HIF1A: variants seen among roughly 807,000 people sequenced by gnomAD.
HIF1A encodes the protein hypoxia-inducible factor 1-alpha.
HIF1A carries 24 observed loss-of-function variants against 92.7 expected under a neutral mutation model. The observed-to-expected ratio is 0.26, with a 90% CI of 0.19 to 0.36. The LOEUF (loss-of-function observed/expected upper bound fraction) is 0.36. Ranked by LOEUF, HIF1A falls within the 10% of genes least tolerant of loss-of-function variation. The pLI is 1.00. For missense variants in HIF1A, 799 were observed against 998.5 expected, an observed-to-expected ratio of 0.80 and a Z score of 2.69; for synonymous variants, 319 against 338.7, an observed-to-expected ratio of 0.94 and a Z score of 0.64.
At chr14:61,741,983 AT>A (rs2044717599) in intron 12 of HIF1A, among the ~76,000 whole-genome samples, 1 of 152,140 alleles carries the variant, frequency 6.6e-6, no homozygotes. Context: ...CTCTTTTAAA[AT>A]TTTATTATAG....
Position 61,738,617 on chromosome 14 carries a change from C to A in HIF1A, c.1536+244C>A, listed in dbSNP as rs139955992. On this transcript the variant is annotated intron_variant, in intron 10 of 14. Coordinates refer to ENST00000337138, the MANE Select transcript of HIF1A (RefSeq NM_001530.4). ...GCTTAATATAAACCAAAAGGTGAAA[C>A]GTACATTGTTTCTCTATTATTTATA... is the stretch of plus-strand genomic sequence containing the variant. 2.0e-3 allele frequency among the ~76,000 whole-genome samples: 308 copies of A among 152,230 alleles called. 1 individual carries two copies. Among genetic ancestry groups the A allele is most frequent in the African/African-American group, 7.2e-3 (298 of 41,534 alleles).
chr14:61,711,207 CTTTTT>C (rs10615564), intron 1 of HIF1A, among the ~76,000 whole-genome samples: 1 of 86,124 alleles, frequency 1.2e-5, no homozygotes, highest in Admixed American at 1.5e-4. Flanking sequence ...TTAAGTATTC[CTTTTT>C]TTTTTTTTTT....
rs1594886861 is a variant in HIF1A, at chr14:61,741,072, T to C, written c.1977T>C (p.Tyr659=). The C allele has an allele frequency of 4.3e-6, 7 of 1,613,780 alleles. No homozygotes were observed. Among genetic ancestry groups the C allele is most frequent in the Admixed American group, 1.7e-5 (1 of 60,014 alleles). Residue 659 remains tyrosine, a synonymous_variant, in exon 12 of 15, where the codon TAT becomes TAC. Transcript: ENST00000337138. ...CTACTAGTGCCACATCATCACCATA[T>C]AGAGATACTCAAAGTCGGACAGCCT... ...KETTSATSSP[Y]RDTQSRTASP...
chr14:61,731,000 GGTT>G (rs2044569131), intron 6 of HIF1A, among the ~76,000 whole-genome samples: 1 of 152,006 alleles, frequency 6.6e-6, no homozygotes, highest in Non-Finnish European at 1.5e-5. Context: ...AAGAATTGAG[GGTT>G]TGAGTTGAGT....
intron 1 of HIF1A, among the ~76,000 whole-genome samples, chr14:61,712,188 A>G (rs2044315199): frequency 6.6e-6 from 1 of 152,182 alleles, no homozygotes; most frequent in Non-Finnish European, 1.5e-5. Flanking sequence ...AAAGACTTGA[A>G]AAAGGTGGAG....
chr14:61,737,480 G>A (rs2044650991), intron 9 of HIF1A, among the ~76,000 whole-genome samples: 1 of 152,152 alleles, frequency 6.6e-6, no homozygotes, highest in East Asian at 1.9e-4. Flanking sequence ...ATAACATCAA[G>A]CATTGAAGAT....
chr14:61,727,211 A>G (rs1017613124), intron 5 of HIF1A, among the ~76,000 whole-genome samples: 43 of 152,368 alleles, frequency 2.8e-4, no homozygotes, highest in African/African-American at 1.0e-3. Context: ...ATGAAAAAGC[A>G]GCCTAGACTT....
intron 1 of HIF1A, among the ~76,000 whole-genome samples, chr14:61,716,584 A>C (rs531551945): frequency 6.6e-6 from 1 of 152,244 alleles, no homozygotes; most frequent in African/African-American, 2.4e-5. Flanking sequence ...GCCTACAATT[A>C]TTTTGTGTCC....
At chr14:61,722,110 G>A (rs1452991736) in intron 4 of HIF1A, among the ~76,000 whole-genome samples, 1 of 150,736 alleles carries the variant, frequency 6.6e-6, no homozygotes, top group Non-Finnish European at 1.5e-5. Context: ...TTTTAAGATG[G>A]GGTCTCGCTC....
chr14:61,702,273 CA>C (rs34312928), intron 1 of HIF1A, among the ~76,000 whole-genome samples: 8,464 of 101,902 alleles, frequency 0.083, 392 homozygotes, highest in African/African-American at 0.19. Flanking sequence ...ACTAAAAATA[CA>C]AAAAAAAAAA....
chr14:61,724,376 T>TCTCTCTCTCTCTCC (rs1176630262), intron 4 of HIF1A, among the ~76,000 whole-genome samples: 1 of 150,172 alleles, frequency 6.7e-6, no homozygotes, highest in Non-Finnish European at 1.5e-5. Context: ...TCTCTCTCTC[T>TCTCTCTCTCTCTCC]CTCTCCCCCT....
At chr14:61,736,819 TCA>T (rs1475061408) in intron 8 of HIF1A, 68 bp from the exon 9 acceptor site, 2 of 1,070,968 alleles carry the variant, frequency 1.9e-6, no homozygotes, top group African/African-American at 1.6e-5. Flanking sequence ...AGAGACCATT[TCA>T]CAGTCTCCCT....
chr14:61,744,135 C>T (rs2044747013), intron 12 of HIF1A, among the ~76,000 whole-genome samples: 1 of 152,086 alleles, frequency 6.6e-6, no homozygotes, highest in South Asian at 2.1e-4. Flanking sequence ...AATAAAAGGA[C>T]AATATTTAAC....
intron 1 of HIF1A, among the ~76,000 whole-genome samples, chr14:61,718,276 G>A (rs941239603): frequency 2.0e-5 from 3 of 152,184 alleles, no homozygotes; most frequent in East Asian, 1.9e-4. Context: ...AACAAAGAAC[G>A]CCTGGAATGA....
At chr14:61,745,599 A>G (rs778095619) in intron 13 of HIF1A, 92 bp from the exon 14 acceptor site, 18 of 1,003,182 alleles carry the variant, frequency 1.8e-5, no homozygotes, top group African/African-American at 3.4e-5. Flanking sequence ...AACTGCCTAT[A>G]ATGTTATTAA....
intron 1 of HIF1A, among the ~76,000 whole-genome samples, chr14:61,705,411 T>G (rs186743150): frequency 4.0e-5 from 6 of 150,886 alleles, no homozygotes; most frequent in Admixed American, 4.0e-4. Flanking sequence ...CAACACTGCT[T>G]TAACTCTATT....
intron 9 of HIF1A, among the ~76,000 whole-genome samples, chr14:61,737,651 A>G (rs1015823140): frequency 5.3e-5 from 8 of 152,222 alleles, no homozygotes; most frequent in Non-Finnish European, 5.9e-5. Flanking sequence ...AAACTTTCTG[A>G]TGAAGGAAAA....
At chr14:61,724,349 T>TCTCTC (rs1555338397) in intron 4 of HIF1A, among the ~76,000 whole-genome samples, 8 of 96,094 alleles carry the variant, frequency 8.3e-5, no homozygotes, top group African/African-American at 2.1e-4. Context: ...CACACACACA[T>TCTCTC]TCTCTCTCTC....
intron 14 of HIF1A, among the ~76,000 whole-genome samples, chr14:61,746,052 C>T (rs754506807): frequency 8.6e-5 from 13 of 151,756 alleles, no homozygotes; most frequent in Admixed American, 1.3e-4. Context: ...GGTGAAACCC[C>T]GTCTCTACTA....
Sources: gnomAD v4.1 joint callset for allele counts (sites outside exome capture counted in the v4.1 genomes callset) on GRCh38, gnomAD v4.1.1 for gene constraint, MANE v1.5 for transcripts, NCBI Gene and HGNC (gene_info 2026-07-23, HGNC 2026-07-21) for gene names.